Variants in HCN3 observed in about 807,000 individuals in gnomAD.
HCN3 encodes the protein hyperpolarization activated cyclic nucleotide gated potassium channel 3.
A neutral mutation model predicts 56.8 loss-of-function variants in HCN3; 36 were observed. The ratio of observed to expected loss-of-function variants is 0.63; its 90% CI spans 0.49 to 0.84. The LOEUF (loss-of-function observed/expected upper bound fraction) is 0.84, where lower values mean the gene tolerates loss of function less well. Ranked by LOEUF, HCN3 falls within the 40% of genes least tolerant of loss-of-function variation. HCN3 has a pLI of 0.00. For synonymous variants in HCN3, 425 were observed against 439.7 expected, an observed-to-expected ratio of 0.97 and a Z score of 0.42; for missense variants, 930 against 1,079.3, an observed-to-expected ratio of 0.86 and a Z score of 1.94.
Position 155,288,221 on chromosome 1 carries a change from G to C in HCN3, c.2083G>C (p.Gly695Arg), listed in dbSNP as rs775275662. 1 of 1,577,956 alleles carries C rather than the reference G, an allele frequency of 6.3e-7. No homozygotes were observed. Among genetic ancestry groups the C allele is most frequent in the African/African-American group, 1.3e-5 (1 of 74,110 alleles). Residue 695 changes from glycine to arginine, a missense_variant, in exon 8 of 8, where the codon GGT becomes CGT. Coordinates refer to ENST00000368358, the MANE Select transcript of HCN3 (RefSeq NM_020897.3). The surrounding 1 kb of genome is among the most constrained non-coding windows in gnomAD (Gnocchi z 6.5). ...RAGRSQVSLLGPPPGGGGRRL... is the reference protein window; with the variant it reads ...RAGRSQVSLLRPPPGGGGRRL... ...AGGGCGCTCCCAGGTCTCCCTGCTG[G>C]GTCCCCCTCCAGGAGGAGGTGGACG...
intron 1 of HCN3, among the ~76,000 whole-genome samples, chr1:155,280,264 T>TTTAA (rs112169194): frequency 3.4e-5 from 5 of 148,296 alleles, no homozygotes; most frequent in African/African-American, 7.5e-5. Context: ...TATTTATTTA[T>TTTAA]TTTATTTATT....
chr1:155,280,974 G>A (rs1674021522), intron 1 of HCN3, among the ~76,000 whole-genome samples: 3 of 144,896 alleles, frequency 2.1e-5, no homozygotes, highest in South Asian at 2.2e-4. Flanking sequence ...GGCTGGTCTC[G>A]AACTCCCAGC....
Position 155,282,876 on chromosome 1 carries a change from G to A in HCN3, c.708+36G>A. On this transcript the variant is annotated intron_variant, in intron 2 of 7. Coordinates refer to ENST00000368358, the MANE Select transcript of HCN3 (RefSeq NM_020897.3). The surrounding 1 kb of genome is among the most constrained non-coding windows in gnomAD (Gnocchi z 4.7). Reference sequence around the variant, plus strand: ...GAGATGGCGGGCGGGGCAGTGGGTGGGGGATGTTGGGGGAGAAGGGGGCGG... The same window carrying A: ...GAGATGGCGGGCGGGGCAGTGGGTGAGGGATGTTGGGGGAGAAGGGGGCGG... The A allele has an allele frequency of 1.3e-6, 2 of 1,500,264 alleles. No individual in the cohort carries two copies. Among genetic ancestry groups the A allele is most frequent in the Non-Finnish European group, 1.8e-6 (2 of 1,113,746 alleles). The allele number at this position is 1,500,264 out of a possible 1,614,324, so 92.9% of individuals were successfully genotyped here.
In HCN3 at chr1:155,277,764, C is replaced by G; in HGVS notation, c.174C>G (p.Asn58Lys). 6.2e-7 allele frequency: 1 copy of G among 1,609,294 alleles called. No homozygotes were observed. Among genetic ancestry groups the G allele is most frequent in the Non-Finnish European group, 8.5e-7 (1 of 1,178,272 alleles). The change falls in exon 1 of 8, where the codon AAC becomes AAG. Residue 58 changes from asparagine (N) to lysine (K), a missense_variant. Physicochemically the swap from Asn to Lys is moderately conservative, Grantham distance 94. Coordinates refer to ENST00000368358, the MANE Select transcript of HCN3 (RefSeq NM_020897.3). ...HLGTLLQPTV[N>K]KFSLRVFGSH... Reference sequence around the variant, plus strand: ...GGACGCTGCTCCAGCCTACGGTCAACAAGTTCTCCCTTCGGGTGTTCGGCA... The same window carrying G: ...GGACGCTGCTCCAGCCTACGGTCAAGAAGTTCTCCCTTCGGGTGTTCGGCA...
At position 155,282,874 on chromosome 1, in the gene HCN3, T is replaced by TGGGGGATGTTGGGGGAGAAGGGGGC; in HGVS notation, c.708+39_708+63dup. 1 of 230,464 alleles carries TGGGGGATGTTGGGGGAGAAGGGGGC rather than the reference T, an allele frequency of 4.3e-6. No individual in the cohort carries two copies. Among genetic ancestry groups the TGGGGGATGTTGGGGGAGAAGGGGGC allele is most frequent in the South Asian group, 4.0e-5 (1 of 25,048 alleles). 14.3% of individuals were successfully genotyped at this position (230,464 alleles called of 1,614,324 possible). The stretch of plus-strand genomic sequence containing the variant: ...GGGAGATGGCGGGCGGGGCAGTGGG[T>TGGGGGATGTTGGGGGAGAAGGGGGC]GGGGGATGTTGGGGGAGAAGGGGGC... On this transcript the variant is annotated intron_variant, in intron 2 of 7. Transcript: ENST00000368358. The surrounding 1 kb of genome is among the most constrained non-coding windows in gnomAD (Gnocchi z 4.7).
chr1:155,277,609 C>G lies in HCN3; in HGVS notation c.19C>G (p.Pro7Ala). 6.4e-7 allele frequency: 1 copy of G among 1,558,980 alleles called. No individual in the cohort carries two copies. The highest frequency in any genetic ancestry group is 1.4e-5 in the African/African-American group (1 of 74,002). The change falls in exon 1 of 8, where the codon CCG (proline) becomes GCG (alanine). Residue 7 changes from proline to alanine, a missense_variant. By Grantham distance (27) the Pro-to-Ala change is conservative. Transcript: ENST00000368358. MEAEQR[P>A]AAGASEGATP... ...GGGCGCCATGGAGGCAGAGCAGCGG[C>G]CGGCGGCGGGGGCCAGCGAAGGGGC...
At position 155,284,193 on chromosome 1, in the gene HCN3, G is replaced by A; in HGVS notation, c.870+58G>A. The A allele has an allele frequency of 6.3e-7, 1 of 1,582,774 alleles. No homozygotes were observed. Among genetic ancestry groups the A allele is most frequent in the South Asian group, 1.1e-5 (1 of 88,396 alleles). On this transcript the variant is annotated intron_variant, in intron 3 of 7. Coordinates refer to ENST00000368358, the MANE Select transcript of HCN3 (RefSeq NM_020897.3). The surrounding 1 kb of genome is among the most constrained non-coding windows in gnomAD (Gnocchi z 4.3). ...GCCTTCTTAGGGCTCTTCTGCCTGA[G>A]TAGCAGGGATGGCCACAGGGAGCAG...
intron 1 of HCN3, among the ~76,000 whole-genome samples, chr1:155,278,853 C>T (rs1673912444): frequency 2.6e-5 from 4 of 152,214 alleles, no homozygotes; most frequent in Admixed American, 2.6e-4. Flanking sequence ...ACTCTCTTCC[C>T]TCAGTTCACT....
In HCN3 at chr1:155,282,085, CA is replaced by C. The variant is rs1674078002; in HGVS notation, c.279-325del. 2.6e-5 allele frequency among the ~76,000 whole-genome samples: 4 copies of C among 152,316 alleles called. No homozygotes were observed. In the South Asian group the frequency reaches 8.3e-4, roughly 32 times the overall value. ...CTACTTATCTGTCTACATTTTTCTA[CA>C]CAAGGACATGTGTGTTGTTCTCAAA... On this transcript the variant is annotated intron_variant, in intron 1 of 7. Transcript: ENST00000368358. The surrounding 1 kb of genome is among the most constrained non-coding windows in gnomAD (Gnocchi z 4.7).
chr1:155,284,649 C>T lies in HCN3; in HGVS notation c.981C>T (p.Leu327=), dbSNP rs1275292278. The change falls in exon 4 of 8, where the codon CTC becomes CTT. Residue 327 remains leucine (L), a synonymous_variant. Coordinates refer to ENST00000368358, the MANE Select transcript of HCN3 (RefSeq NM_020897.3). This position sits in a 1 kb window ranked among gnomAD's most constrained non-coding sequence, Gnocchi z 4.3. The part of the protein sequence containing the change: ...QAPVGMPDVW[L]TMLSMIVGAT... Reference sequence around the variant, plus strand: ...CTGTAGGCATGCCCGACGTCTGGCTCACCATGCTCAGCATGATCGTAGGTG... The same window carrying T: ...CTGTAGGCATGCCCGACGTCTGGCTTACCATGCTCAGCATGATCGTAGGTG... 1 of 1,614,238 alleles carries T rather than the reference C, an allele frequency of 6.2e-7. No homozygotes were observed.
At chr1:155,280,419 G>A (rs946541505) in intron 1 of HCN3, among the ~76,000 whole-genome samples, 3 of 150,344 alleles carry the variant, frequency 2.0e-5, no homozygotes, top group East Asian at 2.0e-4. Context: ...ACAGGTGCGC[G>A]CCACCACACC....
chr1:155,280,315 A>G (rs1354169689), intron 1 of HCN3, among the ~76,000 whole-genome samples: 2 of 151,620 alleles, frequency 1.3e-5, no homozygotes, highest in African/African-American at 4.9e-5. Context: ...CCCAGGCTAG[A>G]GGGCAGTGGA....
chr1:155,288,131 T>C lies in HCN3; in HGVS notation c.1993T>C (p.Trp665Arg). The C allele has an allele frequency of 6.3e-7, 1 of 1,596,888 alleles. No homozygotes were observed. The highest frequency in any genetic ancestry group is 8.5e-7 in the Non-Finnish European group (1 of 1,175,150). ...GCTGGTGCCCGTCCGAGCTGGCCCA[T>C]GGGCATCCACCTCCCGCCTGCCCGC... Reference protein sequence around the residue: ...SPLVPVRAGPWASTSRLPAPP... With the variant: ...SPLVPVRAGPRASTSRLPAPP... The change falls in exon 8 of 8, where the codon TGG (tryptophan) becomes CGG (arginine). Residue 665 changes from tryptophan to arginine, a missense_variant. Coordinates refer to ENST00000368358, the MANE Select transcript of HCN3 (RefSeq NM_020897.3). The surrounding 1 kb of genome is among the most constrained non-coding windows in gnomAD (Gnocchi z 6.5).
At position 155,282,497 on chromosome 1, in the gene HCN3, A is replaced by C. The variant is rs764405079; in HGVS notation, c.365A>C (p.Asn122Thr). The change falls in exon 2 of 8, where the codon AAC becomes ACC. Residue 122 changes from asparagine (N) to threonine (T), a missense_variant. Physicochemically the swap from Asn to Thr is moderately conservative, Grantham distance 65 (BLOSUM62 0). Transcript: ENST00000368358. This position sits in a 1 kb window ranked among gnomAD's most constrained non-coding sequence, Gnocchi z 4.7. Reference sequence around the variant, plus strand: ...GGCATCACCTTCTTCAAGGAGGAGAACTCCCCGCCTTGGATCGTCTTCAAC... The same window carrying C: ...GGCATCACCTTCTTCAAGGAGGAGACCTCCCCGCCTTGGATCGTCTTCAAC... ...PVGITFFKEE[N>T]SPPWIVFNVL... The C allele has an allele frequency of 3.1e-5, 50 of 1,613,892 alleles. No individual in the cohort carries two copies. Among genetic ancestry groups the C allele is most frequent in the Non-Finnish European group, 3.5e-5 (41 of 1,180,002 alleles).
chr1:155,279,411 GA>G (rs1348384419), intron 1 of HCN3, among the ~76,000 whole-genome samples: 2 of 152,222 alleles, frequency 1.3e-5, no homozygotes, highest in Non-Finnish European at 2.9e-5. Context: ...GCCAGAGGAG[GA>G]AAGGTATGCA....
At position 155,288,525 on chromosome 1, in the gene HCN3, G is replaced by A; in HGVS notation, c.*62G>A. 1 of 1,510,686 alleles carries A rather than the reference G, an allele frequency of 6.6e-7. No homozygotes were observed. Among genetic ancestry groups the A allele is most frequent in the Non-Finnish European group, 8.9e-7 (1 of 1,129,024 alleles). 93.6% of individuals were successfully genotyped at this position (1,510,686 alleles called of 1,614,324 possible). A position where few individuals can be genotyped will look rare whatever the true frequency, so the allele number is the denominator to read the frequency against. ...CAGTAGTATGTACCCAAGGGCAGATGCCTCTTGGGGAAGGCCATGGGGACC... is the reference window on the plus strand; with the variant it reads ...CAGTAGTATGTACCCAAGGGCAGATACCTCTTGGGGAAGGCCATGGGGACC... On this transcript the variant is annotated 3_prime_UTR_variant, in exon 8 of 8. Coordinates refer to ENST00000368358, the MANE Select transcript of HCN3 (RefSeq NM_020897.3). This position sits in a 1 kb window ranked among gnomAD's most constrained non-coding sequence, Gnocchi z 6.5.
chr1:155,284,519 C>T lies in HCN3; in HGVS notation c.871-20C>T. 2 of 1,605,594 alleles carry T rather than the reference C, an allele frequency of 1.2e-6. No homozygotes were observed. Among genetic ancestry groups the T allele is most frequent in the African/African-American group, 2.7e-5 (2 of 74,876 alleles). Reference sequence around the variant, plus strand: ...TCCGAGGGGCCCATGCCCAGCTCTGCAATATACTCTGCCCCTCAGAACCAC... The same window carrying T: ...TCCGAGGGGCCCATGCCCAGCTCTGTAATATACTCTGCCCCTCAGAACCAC... On this transcript the variant is annotated intron_variant, in intron 3 of 7. Transcript: ENST00000368358. The surrounding 1 kb of genome is among the most constrained non-coding windows in gnomAD (Gnocchi z 4.3).
At position 155,288,192 on chromosome 1, in the gene HCN3, G is replaced by A. The variant is rs372403714; in HGVS notation, c.2054G>A (p.Arg685Gln). Residue 685 changes from arginine to glutamine, a missense_variant, in exon 8 of 8, where the codon CGG (arginine) becomes CAG (glutamine). By Grantham distance (43) the Arg-to-Gln change is conservative (BLOSUM62 1). Coordinates refer to ENST00000368358, the MANE Select transcript of HCN3 (RefSeq NM_020897.3). This position sits in a 1 kb window ranked among gnomAD's most constrained non-coding sequence, Gnocchi z 6.5. ...PARTLHASLS[R>Q]AGRSQVSLLG... is the part of the protein sequence containing the mutation. The stretch of plus-strand genomic sequence containing the variant: ...CGAACCCTGCACGCCAGCCTATCCC[G>A]GGCAGGGCGCTCCCAGGTCTCCCTG... 1.7e-5 allele frequency: 26 copies of A among 1,574,706 alleles called. No homozygotes were observed. Among genetic ancestry groups the A allele is most frequent in the Admixed American group, 3.6e-5 (2 of 54,956 alleles).
In HCN3 at chr1:155,288,147, G is replaced by T; in HGVS notation, c.2009G>T (p.Arg670Leu). The T allele has an allele frequency of 6.3e-7, 1 of 1,584,408 alleles. No homozygotes were observed. The highest frequency in any genetic ancestry group is 8.5e-7 in the Non-Finnish European group (1 of 1,170,064). The change falls in exon 8 of 8, where the codon CGC becomes CTC. Residue 670 changes from arginine to leucine, a missense_variant. Transcript: ENST00000368358. This position sits in a 1 kb window ranked among gnomAD's most constrained non-coding sequence, Gnocchi z 6.5. ...GCTGGCCCATGGGCATCCACCTCCCGCCTGCCCGCCCCACCTGCCCGAACC... is the reference window on the plus strand; with the variant it reads ...GCTGGCCCATGGGCATCCACCTCCCTCCTGCCCGCCCCACCTGCCCGAACC... Reference protein sequence around the residue: ...VRAGPWASTSRLPAPPARTLH... With the variant: ...VRAGPWASTSLLPAPPARTLH...
Sources: allele counts gnomAD v4.1 joint callset (sites outside exome capture counted in the v4.1 genomes callset), GRCh38; gene constraint gnomAD v4.1.1; non-coding constraint Gnocchi (gnomAD v3.1); transcripts MANE v1.5; gene names NCBI Gene and HGNC (gene_info 2026-07-23, HGNC 2026-07-21).